HTR3B: variants seen among roughly 807,000 people sequenced by gnomAD.
HTR3B encodes the protein 5-hydroxytryptamine receptor 3B, also known as 5-hydroxytryptamine (serotonin) receptor 3B, ionotropic.
A neutral mutation model predicts 42.8 loss-of-function variants in HTR3B; 44 were observed. The ratio of observed to expected loss-of-function variants is 1.03; its 90% CI spans 0.81 to 1.32. HTR3B has a LOEUF of 1.32. HTR3B is among the 40% of genes most tolerant of loss of function. The pLI is 0.00. For missense variants in HTR3B, 527 were observed against 536.5 expected, an observed-to-expected ratio of 0.98 and a Z score of 0.17; for synonymous variants, 203 against 209.0, an observed-to-expected ratio of 0.97 and a Z score of 0.25.
intron 6 of HTR3B, among the ~76,000 whole-genome samples, chr11:113,934,619 C>G (rs1565565049): frequency 6.6e-6 from 1 of 152,100 alleles, no homozygotes; most frequent in Non-Finnish European, 1.5e-5. Flanking sequence ...ATAATGCTGG[C>G]TAGTATAATC....
chr11:113,922,477 A>G (rs1402704414), intron 2 of HTR3B, among the ~76,000 whole-genome samples: 1 of 151,462 alleles, frequency 6.6e-6, no homozygotes, highest in Non-Finnish European at 1.5e-5. Context: ...CAAGTGATCC[A>G]CTCACCTCAG....
Position 113,929,753 on chromosome 11 carries a change from G to A in HTR3B, c.214-1631G>A, listed in dbSNP as rs191965441. Among the ~76,000 whole-genome samples the A allele has an allele frequency of 6.6e-5, 10 of 152,142 alleles. No homozygotes were observed. In the South Asian group the frequency reaches 8.3e-4, roughly 13 times the overall value. On this transcript the variant is annotated intron_variant, in intron 2 of 8. Coordinates refer to ENST00000260191, the MANE Select transcript of HTR3B (RefSeq NM_006028.5). ...TTTATTTTTATTTTTATTTTTTAGA[G>A]ACGGAGTCTCACTCTGTCACCCAGG... is the stretch of plus-strand genomic sequence containing the variant.
rs72466469 is a variant in HTR3B at position 113,932,386 on chromosome 11, A to C, written c.466A>C (p.Ser156Arg). 7,810 of 1,613,746 alleles carry C rather than the reference A, an allele frequency of 4.8e-3. 22 individuals carry two copies. Among genetic ancestry groups the C allele is most frequent in the Middle Eastern group, 6.4e-3 (39 of 6,062 alleles). Residue 156 changes from serine to arginine, a missense_variant, in exon 5 of 9, where the codon AGT becomes CGT. Physicochemically the swap from Ser to Arg is moderately radical, Grantham distance 110. Transcript: ENST00000260191. ...GCCCATCCAGGTGGTCTCTGCGTGC[A>C]GTTTAGAGACATATGCTTTTCCATT... The part of the protein sequence containing the change: ...YKPIQVVSAC[S>R]LETYAFPFDV...
chr11:113,909,614 A>G (rs1949767061), intron 2 of HTR3B, among the ~76,000 whole-genome samples, 159 bp downstream of exon 2: 1 of 152,216 alleles, frequency 6.6e-6, no homozygotes, highest in Non-Finnish European at 1.5e-5. Context: ...AATATTCATT[A>G]GGCAAATCAT....
chr11:113,909,268 T>G, intron 1 of HTR3B, 27 bp from the exon 2 acceptor site: 2 of 1,596,922 alleles, frequency 1.3e-6, no homozygotes, highest in South Asian at 2.2e-5. Flanking sequence ...CTTACTTTTA[T>G]CTTCACAATG....
chr11:113,937,578 T>A (rs1448459623), intron 6 of HTR3B, among the ~76,000 whole-genome samples: 1 of 152,202 alleles, frequency 6.6e-6, no homozygotes, highest in Non-Finnish European at 1.5e-5. Flanking sequence ...AGATGAGTGA[T>A]CCAAGTATCT....
upstream of HTR3B, among the ~76,000 whole-genome samples, chr11:113,902,196 A>C (rs929635856): frequency 1.3e-5 from 2 of 152,254 alleles, no homozygotes; most frequent in African/African-American, 4.8e-5. Flanking sequence ...AATGTATAGC[A>C]GAATTGGATG....
chr11:113,902,445 T>C (rs867251490), upstream of HTR3B, among the ~76,000 whole-genome samples: 4 of 151,992 alleles, frequency 2.6e-5, no homozygotes, highest in African/African-American at 9.7e-5. Context: ...TACAGGCATG[T>C]GCCACCGTGC....
intron 2 of HTR3B, among the ~76,000 whole-genome samples, chr11:113,925,769 T>C (rs1347984271): frequency 3.3e-5 from 5 of 152,214 alleles, no homozygotes; most frequent in Non-Finnish European, 7.3e-5. Context: ...AGGAGAGTTC[T>C]TTAATAGTAT....
At chr11:113,936,198 CT>C (rs986667012) in intron 6 of HTR3B, among the ~76,000 whole-genome samples, 1 of 151,480 alleles carries the variant, frequency 6.6e-6, no homozygotes, top group Non-Finnish European at 1.5e-5. Context: ...TGGTTTTTTT[CT>C]TTTTTTTCTT....
chr11:113,911,967 G>C (rs977421896), intron 2 of HTR3B, among the ~76,000 whole-genome samples: 1 of 152,120 alleles, frequency 6.6e-6, no homozygotes. Context: ...TAGTTTTACT[G>C]GTTGTAGAAC....
rs148782367 is a variant in HTR3B at position 113,921,725 on chromosome 11, C to A, written c.214-9659C>A. Among the ~76,000 whole-genome samples, 33 of 151,988 alleles carry A rather than the reference C, an allele frequency of 2.2e-4. No individual in the cohort carries two copies. In the East Asian group the frequency reaches 6.2e-3, roughly 29 times the overall value. On this transcript the variant is annotated intron_variant, in intron 2 of 8. Transcript: ENST00000260191. Reference sequence around the variant, plus strand: ...ATATTTTCCCTTGGAACAAGTGTATCGAATTGAAAATATTTTTCTAACTCT... The same window carrying A: ...ATATTTTCCCTTGGAACAAGTGTATAGAATTGAAAATATTTTTCTAACTCT...
intron 2 of HTR3B, among the ~76,000 whole-genome samples, chr11:113,929,682 T>C (rs1950011961): frequency 6.6e-6 from 1 of 152,204 alleles, no homozygotes. Context: ...ATTGGTCATT[T>C]GTGTATCTAC....
intron 2 of HTR3B, among the ~76,000 whole-genome samples, chr11:113,920,569 A>G (rs1949903020): frequency 1.3e-5 from 2 of 150,334 alleles, no homozygotes; most frequent in South Asian, 4.2e-4. Context: ...AGACGGGGTT[A>G]CACTATGTTG....
chr11:113,918,283 G>GTGTT (rs1555108086), intron 2 of HTR3B, among the ~76,000 whole-genome samples: 1 of 151,592 alleles, frequency 6.6e-6, no homozygotes, highest in Non-Finnish European at 1.5e-5. Context: ...GTGTGTGTGT[G>GTGTT]TGTGTGTGTG....
chr11:113,940,671 G>C (rs1565567249), intron 6 of HTR3B, among the ~76,000 whole-genome samples: 2 of 152,212 alleles, frequency 1.3e-5, no homozygotes, highest in African/African-American at 4.8e-5. Flanking sequence ...AACAACTCTG[G>C]CTTGCCAAGC....
chr11:113,945,743 C>T (rs1279967421), intron 8 of HTR3B, among the ~76,000 whole-genome samples, 159 bp from the exon 9 acceptor site: 4 of 152,136 alleles, frequency 2.6e-5, no homozygotes, highest in African/African-American at 4.8e-5. Flanking sequence ...AACTTTGCCT[C>T]GCCTAATCGG....
At chr11:113,929,541 T>A (rs1036659816) in intron 2 of HTR3B, among the ~76,000 whole-genome samples, 1 of 152,152 alleles carries the variant, frequency 6.6e-6, no homozygotes, top group African/African-American at 2.4e-5. Flanking sequence ...TGACATCATT[T>A]AACCTTAATT....
At chr11:113,913,500 C>T (rs1295312642) in intron 2 of HTR3B, among the ~76,000 whole-genome samples, 3 of 147,996 alleles carry the variant, frequency 2.0e-5, no homozygotes, top group African/African-American at 7.5e-5. Context: ...TGTGAGCCAC[C>T]ATGCTTGGCC....
Sources: gnomAD v4.1 joint callset for allele counts (sites outside exome capture counted in the v4.1 genomes callset) on GRCh38, gnomAD v4.1.1 for gene constraint, MANE v1.5 for transcripts, NCBI Gene and HGNC (gene_info 2026-07-23, HGNC 2026-07-21) for gene names.